ABCB11: variants seen among roughly 807,000 people sequenced by gnomAD.
ABCB11 encodes bile salt export pump.
ABCB11 carries 95 observed loss-of-function variants against 148.0 expected under a neutral mutation model. The observed-to-expected ratio is 0.64, with a 90% CI of 0.54 to 0.76. The LOEUF is 0.76. Ranked by LOEUF, ABCB11 falls within the 30% of genes least tolerant of loss-of-function variation. The pLI, the probability that ABCB11 is intolerant of heterozygous loss-of-function variation, is 0.00. For missense variants in ABCB11, 1,523 were observed against 1,617.8 expected (o/e 0.94, Z 1.01); for synonymous variants, 591 against 555.4 (o/e 1.06, Z -0.90).
At chr2:168,952,466 G>A (rs556006094) in intron 19 of ABCB11, among the ~76,000 whole-genome samples, 17 of 151,438 alleles carry the variant, frequency 1.1e-4, no homozygotes, top group South Asian at 2.1e-4. Flanking sequence ...TAGGTTGCAC[G>A]CTTCCAGGAA....
intron 2 of ABCB11, 76 bp from the exon 3 acceptor site, chr2:169,016,875 G>T (rs949042106): frequency 5.2e-6 from 6 of 1,145,414 alleles, no homozygotes; most frequent in African/African-American, 4.8e-5. Context: ...TAAGAAATTT[G>T]CTCTAGAAAA....
intron 21 of ABCB11, among the ~76,000 whole-genome samples, chr2:168,937,188 C>T (rs1459442332): frequency 6.6e-6 from 1 of 152,206 alleles, no homozygotes; most frequent in Non-Finnish European, 1.5e-5. Flanking sequence ...CACCTAGCTT[C>T]ATTCCCTTTT....
At position 168,959,842 on chromosome 2, in the gene ABCB11, A is replaced by G. The variant is rs564712268; in HGVS notation, c.2179-1714T>C. Among the ~76,000 whole-genome samples, 12 of 149,438 alleles carry G rather than the reference A, an allele frequency of 8.0e-5. No homozygotes were observed. The South Asian group carries it at 2.3e-3, about 29-fold the overall frequency. On this transcript the variant is annotated intron_variant, in intron 18 of 27. Transcript: ENST00000650372. ...GGGTTGGGTTGGGGAGCCAGTGCAA[A>G]TGCTGAACACTGGCTACTGCTATTG...
intron 1 of ABCB11, among the ~76,000 whole-genome samples, chr2:169,021,708 AT>A (rs528128164): frequency 2.6e-3 from 390 of 152,220 alleles, no homozygotes; most frequent in Non-Finnish European, 4.2e-3. Context: ...AAAAGATTAA[AT>A]GTTGGCAATT....
At chr2:168,937,000 T>C (rs1351379281) in intron 21 of ABCB11, among the ~76,000 whole-genome samples, 7 of 152,178 alleles carry the variant, frequency 4.6e-5, no homozygotes, top group African/African-American at 1.7e-4. Context: ...GCAGCCCTCC[T>C]GCCCCAGCAT....
intron 1 of ABCB11, among the ~76,000 whole-genome samples, chr2:169,022,295 T>C (rs1038133375): frequency 3.3e-5 from 5 of 151,984 alleles, no homozygotes; most frequent in Admixed American, 1.3e-4. Flanking sequence ...AATTCAAAAG[T>C]TGTTTTTTGA....
intron 24 of ABCB11, among the ~76,000 whole-genome samples, chr2:168,931,704 C>T (rs920223885): frequency 2.6e-5 from 4 of 152,202 alleles, no homozygotes; most frequent in African/African-American, 9.6e-5. Flanking sequence ...TTAGGTAGAT[C>T]TCAGAGGACA....
chr2:168,951,784 T>C (rs1359920101), intron 19 of ABCB11, among the ~76,000 whole-genome samples: 1 of 151,672 alleles, frequency 6.6e-6, no homozygotes, highest in Non-Finnish European at 1.5e-5. Context: ...TCCAGTACTA[T>C]GTTAAATAAG....
intron 5 of ABCB11, among the ~76,000 whole-genome samples, chr2:169,010,508 C>T (rs1224491525): frequency 6.6e-6 from 1 of 152,164 alleles, no homozygotes; most frequent in Non-Finnish European, 1.5e-5. Flanking sequence ...ATTACACACA[C>T]ATGCTTTTGT....
At chr2:168,945,651 A>C (rs1692273880) in intron 19 of ABCB11, among the ~76,000 whole-genome samples, 1 of 142,876 alleles carries the variant, frequency 7.0e-6, no homozygotes, top group South Asian at 2.5e-4. Context: ...GGAGTTATGA[A>C]GGAAAAAGGG....
chr2:169,013,418 G>C lies in ABCB11; in HGVS notation c.243C>G (p.Leu81=), dbSNP rs1215979005. The change falls in exon 5 of 28, where the codon CTC becomes CTG. Residue 81 remains leucine (L), a synonymous_variant. Coordinates refer to ENST00000650372, the MANE Select transcript of ABCB11 (RefSeq NM_003742.4). ...LHGIAQPGVL[L]IFGTMTDVFI... is the part of the protein sequence containing the mutation. ...AAACATCTGTCATTGTGCCAAAAAT[G>C]AGTAGCACGCCTGGCTGGGCTATTC... The C allele has an allele frequency of 6.2e-7, 1 of 1,613,702 alleles. No homozygotes were observed. Among genetic ancestry groups the C allele is most frequent in the African/African-American group, 1.3e-5 (1 of 74,914 alleles).
At chr2:169,002,602 C>G (rs1282347716) in intron 5 of ABCB11, among the ~76,000 whole-genome samples, 1 of 152,088 alleles carries the variant, frequency 6.6e-6, no homozygotes, top group African/African-American at 2.4e-5. Context: ...TATTATTCAG[C>G]CTTTTAAAAA....
Position 168,932,434 on chromosome 2 carries a change from A to G in ABCB11, c.3156T>C (p.Phe1052=). ...AKAKISAARF[F]QLLDRQPPIS... Reference sequence around the variant, plus strand: ...TTGGGGGTTGTCGGTCCAGCAGTTGAAAAAAGCGTGCAGCTGATATTTTAG... The same window carrying G: ...TTGGGGGTTGTCGGTCCAGCAGTTGGAAAAAGCGTGCAGCTGATATTTTAG... The change falls in exon 24 of 28, where the codon TTT becomes TTC. Residue 1052 remains phenylalanine (F), a synonymous_variant. Transcript: ENST00000650372. The G allele has an allele frequency of 6.2e-7, 1 of 1,604,976 alleles. No homozygotes were observed. Among genetic ancestry groups the G allele is most frequent in the Non-Finnish European group, 8.5e-7 (1 of 1,175,450 alleles).
At chr2:168,930,325 C>T (rs968495627) in intron 25 of ABCB11, among the ~76,000 whole-genome samples, 4 of 152,156 alleles carry the variant, frequency 2.6e-5, no homozygotes, top group Admixed American at 6.5e-5. Context: ...TTTTTCCATT[C>T]CTGGTCATTA....
rs4148788 is a variant in ABCB11, at chr2:168,968,790, C to CAA, written c.2012-302_2012-301dup. Among the ~76,000 whole-genome samples, 1,401 of 148,320 alleles carry CAA rather than the reference C, an allele frequency of 9.4e-3. 10 individuals are homozygous for CAA. The highest frequency in any genetic ancestry group is 0.012 in the African/African-American group (478 of 40,628). Reference sequence around the variant, plus strand: ...TTTAAGAGAAGTCCATCAGAAGTAGCAAAAAAAAAATGATAGAAACACTAA... The same window carrying CAA: ...TTTAAGAGAAGTCCATCAGAAGTAGCAAAAAAAAAAAATGATAGAAACACTAA... On this transcript the variant is annotated intron_variant, in intron 16 of 27. Transcript: ENST00000650372.
chr2:168,922,153 C>A lies in ABCB11; in HGVS notation c.*1469G>T, dbSNP rs1691098229. On this transcript the variant is annotated 3_prime_UTR_variant, in exon 28 of 28. Transcript: ENST00000650372. ...AGTGAGCCACAGCGCCTGGCCCGACCTCTTTTCTAAGATTGGCCAATTTCC... is the reference window on the plus strand; with the variant it reads ...AGTGAGCCACAGCGCCTGGCCCGACATCTTTTCTAAGATTGGCCAATTTCC... 6.6e-6 allele frequency among the ~76,000 whole-genome samples: 1 copy of A among 152,112 alleles called. No individual in the cohort carries two copies. Among genetic ancestry groups the A allele is most frequent in the Admixed American group, 6.5e-5 (1 of 15,268 alleles).
At position 168,922,594 on chromosome 2, in the gene ABCB11, A is replaced by T. The variant is rs1354701256; in HGVS notation, c.*1028T>A. On this transcript the variant is annotated 3_prime_UTR_variant, in exon 28 of 28. Transcript: ENST00000650372. Reference sequence around the variant, plus strand: ...ACATTTTTGTTTTCTCTCATCTTGTAACTCTATTATCAATTGTCCATTTGC... The same window carrying T: ...ACATTTTTGTTTTCTCTCATCTTGTTACTCTATTATCAATTGTCCATTTGC... Among the ~76,000 whole-genome samples the T allele has an allele frequency of 6.6e-6, 1 of 152,102 alleles. No individual in the cohort carries two copies. The highest frequency in any genetic ancestry group is 1.5e-5 in the Non-Finnish European group (1 of 68,010).
intron 17 of ABCB11, 66 bp from the exon 18 acceptor site, chr2:168,964,374 T>G (rs1254354086): frequency 1.6e-6 from 2 of 1,250,260 alleles, no homozygotes; most frequent in Non-Finnish European, 2.3e-6. Flanking sequence ...TCAACTGGTG[T>G]CCAAGTTTAC....
intron 5 of ABCB11, among the ~76,000 whole-genome samples, chr2:168,997,098 C>T (rs1464056509): frequency 1.3e-5 from 2 of 151,946 alleles, no homozygotes; most frequent in African/African-American, 4.8e-5. Context: ...GCATACTCAT[C>T]ATGCAGTGAT....
Sources: gnomAD v4.1 joint callset for allele counts (sites outside exome capture counted in the v4.1 genomes callset) on GRCh38, gnomAD v4.1.1 for gene constraint, MANE v1.5 for transcripts, NCBI Gene and HGNC (gene_info 2026-07-23, HGNC 2026-07-21) for gene names.